The following EPHA5 variants were observed in gnomAD, a reference collection of about 807,000 sequenced individuals.
EPHA5 encodes ephrin type-A receptor 5.
In EPHA5, 60 loss-of-function variants were observed where a neutral mutation model predicts 105.0. The observed-to-expected ratio is 0.57, with a 90% CI of 0.46 to 0.71. The LOEUF (loss-of-function observed/expected upper bound fraction) is 0.71. Among genes scored for constraint, EPHA5 ranks in the 30% least tolerant of loss-of-function variants. The pLI is 0.00. For synonymous variants in EPHA5, 513 were observed against 449.1 expected, an observed-to-expected ratio of 1.14 and a Z score of -1.80; for missense variants, 1,218 against 1,274.7, an observed-to-expected ratio of 0.96 and a Z score of 0.68.
chr4:65,631,648 T>C (rs981190335), intron 2 of EPHA5, among the ~76,000 whole-genome samples: 1 of 151,562 alleles, frequency 6.6e-6, no homozygotes, highest in Non-Finnish European at 1.5e-5. Flanking sequence ...CATACTTTCT[T>C]GAGGAAGTAA....
chr4:65,484,627 T>C (rs925298603), intron 5 of EPHA5, among the ~76,000 whole-genome samples: 1 of 152,188 alleles, frequency 6.6e-6, no homozygotes, highest in Admixed American at 6.5e-5. Flanking sequence ...TAGAATTCTG[T>C]ACCTTGGCAT....
chr4:65,595,727 C>T (rs563427351), intron 3 of EPHA5, among the ~76,000 whole-genome samples: 1 of 151,978 alleles, frequency 6.6e-6, no homozygotes, highest in South Asian at 2.1e-4. Context: ...ATTACAGGCT[C>T]CCGCCACCAC....
chr4:65,371,452 A>T (rs1718462651), intron 8 of EPHA5, among the ~76,000 whole-genome samples: 1 of 152,130 alleles, frequency 6.6e-6, no homozygotes, highest in African/African-American at 2.4e-5. Context: ...TTCTGATACT[A>T]TTAATGCTGA....
rs571422505 is a variant in EPHA5 at position 65,597,267 on chromosome 4, C to T, written c.910+4374G>A. ...ATTATCTAGGGCTAATTTCAAATTA[C>T]TACTTCATTCCACTAGCAACTGATG... On this transcript the variant is annotated intron_variant, in intron 3 of 16. Coordinates refer to ENST00000613740, the MANE Select transcript of EPHA5 (RefSeq NM_001281766.3). Among the ~76,000 whole-genome samples the T allele has an allele frequency of 1.8e-4, 28 of 152,240 alleles. No homozygotes were observed. In the East Asian group the frequency reaches 4.6e-3, roughly 25 times the overall value.
chr4:65,354,614 T>C (rs1477199995), intron 11 of EPHA5, among the ~76,000 whole-genome samples: 1 of 151,762 alleles, frequency 6.6e-6, no homozygotes, highest in Non-Finnish European at 1.5e-5. Context: ...TGCATTATAA[T>C]TAATTTAATG....
At position 65,549,205 on chromosome 4, in the gene EPHA5, C is replaced by T. The variant is rs112804837; in HGVS notation, c.910+52436G>A. On this transcript the variant is annotated intron_variant, in intron 3 of 16. Transcript: ENST00000613740. ...ACTAAATTTCCATGATGTCTATGGCCAGAAGATAATAAAATGACATCATTA... is the reference window on the plus strand; with the variant it reads ...ACTAAATTTCCATGATGTCTATGGCTAGAAGATAATAAAATGACATCATTA... Among the ~76,000 whole-genome samples the T allele has an allele frequency of 6.6e-3, 1,001 of 152,068 alleles. 7 individuals are homozygous for T. The highest frequency in any genetic ancestry group is 0.022 in the African/African-American group (912 of 41,510).
chr4:65,566,567 A>AT (rs1487281162), intron 3 of EPHA5, among the ~76,000 whole-genome samples: 3 of 151,014 alleles, frequency 2.0e-5, no homozygotes, highest in Admixed American at 6.6e-5. Flanking sequence ...TATTTATTTT[A>AT]TTTTTTTGAT....
At chr4:65,566,451 A>C (rs1234579457) in intron 3 of EPHA5, among the ~76,000 whole-genome samples, 1 of 151,820 alleles carries the variant, frequency 6.6e-6, no homozygotes, top group Non-Finnish European at 1.5e-5. Context: ...AATTTTTTCA[A>C]GAAATAAACT....
intron 3 of EPHA5, among the ~76,000 whole-genome samples, chr4:65,557,117 T>C (rs561101170): frequency 2.0e-5 from 3 of 151,474 alleles, no homozygotes; most frequent in Non-Finnish European, 4.4e-5. Flanking sequence ...ATAATTTATA[T>C]GGAATATTCT....
intron 3 of EPHA5, among the ~76,000 whole-genome samples, chr4:65,590,660 A>G (rs1742547818): frequency 6.6e-6 from 1 of 152,132 alleles, no homozygotes; most frequent in Non-Finnish European, 1.5e-5. Context: ...AGAAAGAGAG[A>G]GAGACAAATT....
At chr4:65,653,245 C>G (rs539341413) in intron 1 of EPHA5, among the ~76,000 whole-genome samples, 1 of 152,146 alleles carries the variant, frequency 6.6e-6, no homozygotes, top group South Asian at 2.1e-4. Context: ...AAACAAACAA[C>G]TTGATGACCT....
chr4:65,600,565 C>T (rs1344810906), intron 3 of EPHA5, among the ~76,000 whole-genome samples: 1 of 152,088 alleles, frequency 6.6e-6, no homozygotes, highest in African/African-American at 2.4e-5. Flanking sequence ...AATCTACAGT[C>T]AAGCAAGAAC....
chr4:65,517,386 G>C (rs11930462), intron 3 of EPHA5, among the ~76,000 whole-genome samples: 7,979 of 151,636 alleles, frequency 0.053, 718 homozygotes, highest in African/African-American at 0.18. Context: ...CTTATAAACA[G>C]AATAGTAATA....
At chr4:65,484,476 T>G (rs2149197348) in intron 5 of EPHA5, among the ~76,000 whole-genome samples, 1 of 152,258 alleles carries the variant, frequency 6.6e-6, no homozygotes, top group Non-Finnish European at 1.5e-5. Flanking sequence ...TGGGACAGCT[T>G]GGAACATGCC....
rs2148892163 is a variant in EPHA5, at chr4:65,365,954, G to A, written c.1965C>T (p.Thr655=). The stretch of plus-strand genomic sequence containing the variant: ...TACCTGCTCCAATAACTCTCTCAAT[G>A]GTGATACATGATGCTTCTATCTCCT... The part of the protein sequence containing the change: ...FAKEIEASCI[T]IERVIGAGEF... The change falls in exon 10 of 17, where the codon ACC becomes ACT. Residue 655 remains threonine, a synonymous_variant. Transcript: ENST00000613740. The A allele has an allele frequency of 6.2e-7, 1 of 1,608,092 alleles. No individual in the cohort carries two copies.
At chr4:65,411,094 C>A (rs1370842366) in intron 7 of EPHA5, among the ~76,000 whole-genome samples, 4 of 151,766 alleles carry the variant, frequency 2.6e-5, no homozygotes, top group Non-Finnish European at 5.9e-5. Flanking sequence ...TGTAAAAAAT[C>A]AATTTTAAAT....
At position 65,539,690 on chromosome 4, in the gene EPHA5, GA is replaced by G. The variant is rs757237392; in HGVS notation, c.911-44148del. Among the ~76,000 whole-genome samples the G allele has an allele frequency of 2.6e-3, 392 of 151,626 alleles. 1 individual carries two copies. Among genetic ancestry groups the G allele is most frequent in the Non-Finnish European group, 3.6e-3 (242 of 67,662 alleles). On this transcript the variant is annotated intron_variant, in intron 3 of 16. Transcript: ENST00000613740. Reference sequence around the variant, plus strand: ...AAACAGGAAGCTTTACATTAGGCATGAAAAAAGTTTCTTAAAAGCATACTGT... The same window carrying G: ...AAACAGGAAGCTTTACATTAGGCATGAAAAAGTTTCTTAAAAGCATACTGT...
At chr4:65,395,257 T>A (rs895951342) in intron 8 of EPHA5, among the ~76,000 whole-genome samples, 2 of 152,196 alleles carry the variant, frequency 1.3e-5, no homozygotes, top group African/African-American at 4.8e-5. Context: ...CTACTGTAAT[T>A]GTGTTTTATA....
At position 65,321,684 on chromosome 4, in the gene EPHA5, T is replaced by A. The variant is rs1719650596; in HGVS notation, c.*2430A>T. On this transcript the variant is annotated 3_prime_UTR_variant, in exon 17 of 17. Transcript: ENST00000613740. ...AATAAATTTGATCCAAATTAATTTA[T>A]ATTCTTCCTTTGTTAAAAAGAGAAA... 4.4e-6 allele frequency: 1 copy of A among 229,098 alleles called. No homozygotes were observed. The highest frequency in any genetic ancestry group is 2.2e-5 in the African/African-American group (1 of 45,092). The allele number at this position is 229,098 out of a possible 1,614,324, so 14.2% of individuals were successfully genotyped here.
Sources: allele counts gnomAD v4.1 joint callset (sites outside exome capture counted in the v4.1 genomes callset), GRCh38; gene constraint gnomAD v4.1.1; transcripts MANE v1.5; gene names NCBI Gene and HGNC (gene_info 2026-07-23, HGNC 2026-07-21).